The following DGKD variants were observed in gnomAD, a reference collection of about 807,000 sequenced individuals.
DGKD encodes diacylglycerol kinase delta, also known as DAG kinase delta.
Under a neutral mutation model 154.4 loss-of-function variants are expected in DGKD, and 68 were observed. The observed-to-expected ratio is 0.44, with a 90% CI of 0.36 to 0.54. The LOEUF is 0.54. Among genes scored for constraint, DGKD ranks in the 20% least tolerant of loss-of-function variants. The probability of loss-of-function intolerance (pLI) is 0.00; values close to 1 mark genes in which losing one functional copy is unlikely to be tolerated. For missense variants in DGKD, 1,343 were observed against 1,593.6 expected (o/e 0.84, Z 2.68); for synonymous variants, 693 against 638.0 (o/e 1.09, Z -1.30).
At chr2:233,375,375 C>T (rs1201587336) in intron 1 of DGKD, among the ~76,000 whole-genome samples, 1 of 152,014 alleles carries the variant, frequency 6.6e-6, no homozygotes, top group Non-Finnish European at 1.5e-5. Flanking sequence ...GTTAGCGTGG[C>T]TGGGCTCTTG....
chr2:233,385,278 G>C lies in DGKD; in HGVS notation c.157-2979G>C, dbSNP rs564931593. Among the ~76,000 whole-genome samples the C allele has an allele frequency of 1.8e-4, 28 of 152,308 alleles. No individual in the cohort carries two copies. In the South Asian group the frequency reaches 4.6e-3, roughly 25 times the overall value. On this transcript the variant is annotated intron_variant, in intron 1 of 29. Transcript: ENST00000264057. ...CTGTGGGCTGGGCATATGTCTGTCGGGTCAGTGGGTGGCCGTGGACCACAC... is the reference window on the plus strand; with the variant it reads ...CTGTGGGCTGGGCATATGTCTGTCGCGTCAGTGGGTGGCCGTGGACCACAC...
chr2:233,361,522 A>T (rs1200118551), intron 1 of DGKD, among the ~76,000 whole-genome samples: 1 of 152,228 alleles, frequency 6.6e-6, no homozygotes, highest in South Asian at 2.1e-4. Flanking sequence ...TACAGGCTGT[A>T]GACAGACCCA....
chr2:233,374,921 G>A (rs1017106040), intron 1 of DGKD, among the ~76,000 whole-genome samples: 1 of 151,382 alleles, frequency 6.6e-6, no homozygotes, highest in Non-Finnish European at 1.5e-5. Context: ...TGCCTGCCTC[G>A]TCCTCCCAAA....
chr2:233,396,333 G>A (rs962054484), intron 3 of DGKD, among the ~76,000 whole-genome samples: 2 of 152,122 alleles, frequency 1.3e-5, no homozygotes, highest in African/African-American at 2.4e-5. Flanking sequence ...TTGAAAAAAC[G>A]AATTCTGGTT....
rs867873568 is a variant in DGKD, at chr2:233,354,615, C to A, written c.97C>A (p.Pro33Thr). The change falls in exon 1 of 30, where the codon CCC (proline) becomes ACC (threonine). Residue 33 changes from proline (P) to threonine (T), a missense_variant. By Grantham distance (38) the Pro-to-Thr change is conservative. This residue lies in a region of DGKD where 332 missense variants were observed against 400.1 expected (regional missense o/e 0.83). Transcript: ENST00000264057. This position sits in a 1 kb window ranked among gnomAD's most constrained non-coding sequence, Gnocchi z 4.8. ...GTCCGACAGCGAGCCCGAGGCGGAGCCCGGCTCCCCACAGAAGCTCATCCG... is the reference window on the plus strand; with the variant it reads ...GTCCGACAGCGAGCCCGAGGCGGAGACCGGCTCCCCACAGAAGCTCATCCG... ...ESSDSEPEAEPGSPQKLIRKV... is the reference protein window; with the variant it reads ...ESSDSEPEAETGSPQKLIRKV... 8.9e-7 allele frequency: 1 copy of A among 1,128,640 alleles called. No individual in the cohort carries two copies. Among genetic ancestry groups the A allele is most frequent in the South Asian group, 1.9e-5 (1 of 52,116 alleles). The allele number at this position is 1,128,640 out of a possible 1,614,324, so 69.9% of individuals were successfully genotyped here. A position where few individuals can be genotyped will look rare whatever the true frequency, so the allele number is the denominator to read the frequency against.
chr2:233,453,898 G>T (rs1168081374), intron 18 of DGKD, among the ~76,000 whole-genome samples: 1 of 152,254 alleles, frequency 6.6e-6, no homozygotes, highest in Non-Finnish European at 1.5e-5. Context: ...GGCTGGGATG[G>T]ATGTTTTCAA....
chr2:233,366,933 A>G (rs917963573), intron 1 of DGKD, among the ~76,000 whole-genome samples: 8 of 152,230 alleles, frequency 5.3e-5, no homozygotes, highest in African/African-American at 1.9e-4. Context: ...ACCTCAGTGT[A>G]TGTCTCCACA....
chr2:233,411,134 C>T (rs2061819138), intron 3 of DGKD, among the ~76,000 whole-genome samples: 1 of 152,134 alleles, frequency 6.6e-6, no homozygotes, highest in Non-Finnish European at 1.5e-5. Flanking sequence ...TGGGTTATTA[C>T]TAATAAAACT....
Position 233,457,192 on chromosome 2 carries a change from T to A in DGKD, c.2473-29T>A, listed in dbSNP as rs368659990. 3.4e-6 allele frequency: 5 copies of A among 1,487,518 alleles called. No individual in the cohort carries two copies. The South Asian group carries it at 6.7e-5, about 20-fold the overall frequency. The allele number at this position is 1,487,518 out of a possible 1,614,324, so 92.1% of individuals were successfully genotyped here. On this transcript the variant is annotated intron_variant, in intron 20 of 29. Coordinates refer to ENST00000264057, the MANE Select transcript of DGKD (RefSeq NM_152879.3). The surrounding 1 kb of genome is among the most constrained non-coding windows in gnomAD (Gnocchi z 5.5). ...AGGGGCTGACTCATACCTTTCTCTT[T>A]TCTTTTGTTCTGTGTCTCTGCTGCT... is the stretch of plus-strand genomic sequence containing the variant.
rs372812365 is a variant in DGKD at position 233,438,755 on chromosome 2, C to CTATCT, written c.1085+376_1085+377insTATCT. On this transcript the variant is annotated intron_variant, in intron 9 of 29. Transcript: ENST00000264057. The surrounding 1 kb of genome is among the most constrained non-coding windows in gnomAD (Gnocchi z 4.1). ...ATTTTTTATTTATCTGTCTATCTATCATCTATCTATCTATCTATCTATCTA... is the reference window on the plus strand; with the variant it reads ...ATTTTTTATTTATCTGTCTATCTATCTATCTATCTATCTATCTATCTATCTATCTA... Among the ~76,000 whole-genome samples the CTATCT allele has an allele frequency of 5.4e-4, 71 of 132,366 alleles. No homozygotes were observed. Among genetic ancestry groups the CTATCT allele is most frequent in the Non-Finnish European group, 8.0e-4 (49 of 61,466 alleles). 86.8% of individuals were successfully genotyped at this position (132,366 alleles called of 152,430 possible).
At chr2:233,395,516 C>T (rs889242955) in intron 3 of DGKD, among the ~76,000 whole-genome samples, 16 of 151,956 alleles carry the variant, frequency 1.1e-4, no homozygotes, top group African/African-American at 3.4e-4. Flanking sequence ...TTCTACTTCC[C>T]TTCTGTGTTG....
rs1702733195 is a variant in DGKD, at chr2:233,378,874, A to C, written c.157-9383A>C. The stretch of plus-strand genomic sequence containing the variant: ...AACATAGTGAGACCCCGCCTCTACA[A>C]AGCAAAGCAAAACAAAACAAAACAA... On this transcript the variant is annotated intron_variant, in intron 1 of 29. Transcript: ENST00000264057. Among the ~76,000 whole-genome samples, 3 of 152,348 alleles carry C rather than the reference A, an allele frequency of 2.0e-5. No individual in the cohort carries two copies. The East Asian group carries it at 5.8e-4, about 29-fold the overall frequency.
intron 3 of DGKD, among the ~76,000 whole-genome samples, chr2:233,428,251 C>G (rs2125568815): frequency 6.6e-6 from 1 of 152,200 alleles, no homozygotes; most frequent in South Asian, 2.1e-4. Flanking sequence ...TGAGTCATGG[C>G]AAATCTCCTG....
At chr2:233,462,504 G>C in intron 25 of DGKD, 45 bp downstream of exon 25, 1 of 1,559,316 alleles carries the variant, frequency 6.4e-7, no homozygotes, top group Non-Finnish European at 8.8e-7. Flanking sequence ...CTCAGTGTCT[G>C]CCGCCCTCGG....
At chr2:233,437,177 T>C (rs540414606) in intron 7 of DGKD, among the ~76,000 whole-genome samples, 200 bp from the exon 8 acceptor site, 7 of 152,316 alleles carry the variant, frequency 4.6e-5, no homozygotes, top group Non-Finnish European at 7.4e-5. Context: ...TTCCGTGTTA[T>C]GCCTTCTCAA....
In DGKD at chr2:233,449,696, G is replaced by A. The variant is rs1027428221; in HGVS notation, c.1889-286G>A. On this transcript the variant is annotated intron_variant, in intron 15 of 29. Transcript: ENST00000264057. This position sits in a 1 kb window ranked among gnomAD's most constrained non-coding sequence, Gnocchi z 5.3. ...CGCACACCTGCGTGTCCATGCAGCC[G>A]CTCCTCCCGCTTGCAGCCCTCCAGC... Among the ~76,000 whole-genome samples the A allele has an allele frequency of 1.3e-5, 2 of 152,114 alleles. No individual in the cohort carries two copies. Among genetic ancestry groups the A allele is most frequent in the African/African-American group, 4.8e-5 (2 of 41,428 alleles).
At position 233,457,974 on chromosome 2, in the gene DGKD, G is replaced by A. The variant is rs573246331; in HGVS notation, c.2581-310G>A. Among the ~76,000 whole-genome samples, 1 of 152,280 alleles carries A rather than the reference G, an allele frequency of 6.6e-6. No individual in the cohort carries two copies. The highest frequency in any genetic ancestry group is 6.5e-5 in the Admixed American group (1 of 15,306). On this transcript the variant is annotated intron_variant, in intron 21 of 29. Transcript: ENST00000264057. This position sits in a 1 kb window ranked among gnomAD's most constrained non-coding sequence, Gnocchi z 5.5. ...CGTGGTGTGTGCTGGCCCCAGTCCT[G>A]GCACTCTGCAGCGTTAACTCACTTG...
chr2:233,362,914 C>T (rs1701849817), intron 1 of DGKD, among the ~76,000 whole-genome samples: 1 of 152,100 alleles, frequency 6.6e-6, no homozygotes, highest in African/African-American at 2.4e-5. Flanking sequence ...AATGAATTAC[C>T]TATGTGTTTG....
intron 1 of DGKD, among the ~76,000 whole-genome samples, chr2:233,384,567 C>T (rs1015626678): frequency 1.3e-5 from 2 of 152,040 alleles, no homozygotes; most frequent in South Asian, 2.1e-4. Context: ...CCACATCCCC[C>T]CACTGAGCCA....
Sources: gnomAD v4.1 joint callset for allele counts (sites outside exome capture counted in the v4.1 genomes callset) on GRCh38, gnomAD v4.1.1 for gene constraint, gnomAD v4.1.1 regional missense constraint, Gnocchi (gnomAD v3.1) non-coding constraint, MANE v1.5 for transcripts, NCBI Gene and HGNC (gene_info 2026-07-23, HGNC 2026-07-21) for gene names.